The following RYR2 variants were observed in gnomAD, a reference collection of about 807,000 sequenced individuals.
RYR2 encodes the protein ryanodine receptor 2, also known as cardiac muscle ryanodine receptor-calcium release channel.
Under a neutral mutation model 601.1 loss-of-function variants are expected in RYR2, and 227 were observed. The observed-to-expected ratio is 0.38, with a 90% confidence interval of 0.34 to 0.42. RYR2 has a LOEUF of 0.42. Ranked by LOEUF, RYR2 falls within the 10% of genes least tolerant of loss-of-function variation. The pLI is 1.00. For synonymous variants in RYR2, 2,223 were observed against 2,175.1 expected (o/e 1.02, Z -0.61); for missense variants, 4,646 against 6,156.5 (o/e 0.75, Z 8.21).
intron 1 of RYR2, among the ~76,000 whole-genome samples, chr1:237,232,807 T>G (rs564017059): frequency 6.6e-6 from 1 of 152,322 alleles, no homozygotes; most frequent in East Asian, 1.9e-4. Context: ...CAGAACTGAT[T>G]GCTTGCCTGG....
chr1:237,563,540 G>C (rs1382991877), intron 27 of RYR2, among the ~76,000 whole-genome samples: 1 of 151,686 alleles, frequency 6.6e-6, no homozygotes, highest in Non-Finnish European at 1.5e-5. Context: ...TCAAATTCAG[G>C]TTAAGTATCA....
At chr1:237,439,616 C>T (rs1008046630) in intron 12 of RYR2, among the ~76,000 whole-genome samples, 3 of 151,756 alleles carry the variant, frequency 2.0e-5, no homozygotes, top group African/African-American at 7.3e-5. Flanking sequence ...TGCATTCCAG[C>T]CTGGGTGACA....
intron 2 of RYR2, among the ~76,000 whole-genome samples, chr1:237,293,673 C>G (rs1186990257): frequency 6.6e-6 from 1 of 152,100 alleles, no homozygotes; most frequent in Non-Finnish European, 1.5e-5. Flanking sequence ...AAGGATAGTA[C>G]AAAGCATACA....
chr1:237,571,730 C>T (rs538334577), intron 29 of RYR2, among the ~76,000 whole-genome samples: 1 of 152,188 alleles, frequency 6.6e-6, no homozygotes, highest in South Asian at 2.1e-4. Flanking sequence ...GTATGAACAT[C>T]ATTTCCCTAA....
At chr1:237,643,507 AG>A in intron 48 of RYR2, 60 bp downstream of exon 48, 1 of 1,607,752 alleles carries the variant, frequency 6.2e-7, no homozygotes, top group Non-Finnish European at 8.5e-7. Flanking sequence ...CATGTTCTAA[AG>A]AATGTTTTCC....
intron 14 of RYR2, among the ~76,000 whole-genome samples, chr1:237,448,466 G>A (rs1365047201): frequency 6.6e-6 from 1 of 152,112 alleles, no homozygotes; most frequent in Admixed American, 6.5e-5. Flanking sequence ...AAAAGAATGT[G>A]CATTCTCCTC....
chr1:237,689,423 T>C (rs571000557), intron 63 of RYR2, among the ~76,000 whole-genome samples: 1 of 152,376 alleles, frequency 6.6e-6, no homozygotes, highest in African/African-American at 2.4e-5. Context: ...AGGAACTATA[T>C]GTAGACTCCA....
intron 2 of RYR2, among the ~76,000 whole-genome samples, chr1:237,315,925 G>A (rs55989929): frequency 0.096 from 14,574 of 152,082 alleles, 1,397 homozygotes; most frequent in African/African-American, 0.24. Flanking sequence ...TTAAACAGTG[G>A]GATTTTTTTT....
intron 10 of RYR2, among the ~76,000 whole-genome samples, chr1:237,405,076 C>T (rs12064384): frequency 0.12 from 17,565 of 152,092 alleles, 2,156 homozygotes; most frequent in African/African-American, 0.32. Flanking sequence ...TTCCAACCTA[C>T]GGAATGGTAG....
intron 25 of RYR2, among the ~76,000 whole-genome samples, chr1:237,536,705 A>G (rs1269177479): frequency 2.1e-5 from 2 of 95,308 alleles, no homozygotes; most frequent in African/African-American, 8.4e-5. Context: ...ACAGAGCGAG[A>G]TTCCGTCTCA....
chr1:237,680,696 G>A (rs1490549723), intron 62 of RYR2, 119 bp downstream of exon 62: 7 of 632,260 alleles, frequency 1.1e-5, no homozygotes, highest in East Asian at 3.0e-5. Flanking sequence ...TCCCTGGTCC[G>A]TGTCTTCATG....
At chr1:237,554,878 A>G (rs1162946509) in intron 27 of RYR2, among the ~76,000 whole-genome samples, 2 of 151,830 alleles carry the variant, frequency 1.3e-5, no homozygotes, top group Non-Finnish European at 2.9e-5. Context: ...TTTTATCTTG[A>G]TCACTTCTCT....
At chr1:237,502,601 A>G (rs1664774951) in intron 21 of RYR2, among the ~76,000 whole-genome samples, 1 of 152,088 alleles carries the variant, frequency 6.6e-6, no homozygotes. Flanking sequence ...ACAGTTCACA[A>G]TAGGGTTCGC....
Position 237,795,332 on chromosome 1 carries a change from G to A in RYR2, c.13956+1G>A. The A allele has an allele frequency of 7.1e-7, 1 of 1,402,762 alleles. No individual in the cohort carries two copies. The highest frequency in any genetic ancestry group is 9.8e-7 in the Non-Finnish European group (1 of 1,018,530). 86.9% of individuals were successfully genotyped at this position (1,402,762 alleles called of 1,614,324 possible). On this transcript the variant is annotated splice_donor_variant, in intron 96 of 104. Transcript: ENST00000366574. LOFTEE classifies it high-confidence loss of function. ...CTGGGACAAATTTGTTAAAAGAAAGGTAATATTACTTGGAATCCTCTACAT... is the reference window on the plus strand; with the variant it reads ...CTGGGACAAATTTGTTAAAAGAAAGATAATATTACTTGGAATCCTCTACAT...
At position 237,550,614 on chromosome 1, in the gene RYR2, A is replaced by G. The variant is rs767452498; in HGVS notation, c.3137A>G (p.Asn1046Ser). 6.2e-7 allele frequency: 1 copy of G among 1,600,914 alleles called. No homozygotes were observed. The highest frequency in any genetic ancestry group is 2.2e-5 in the East Asian group (1 of 44,486). ...CTGGATGACCGAACCAAGAAATCCA[A>G]CAAGGACAGCCTCCGCGAGGCTGTG... Reference protein sequence around the residue: ...TLLDDRTKKSNKDSLREAVRT... With the variant: ...TLLDDRTKKSSKDSLREAVRT... The change falls in exon 27 of 105, where the codon AAC becomes AGC. Residue 1046 changes from asparagine (N) to serine (S), a missense_variant. By Grantham distance (46) the Asn-to-Ser change is conservative (BLOSUM62 1). Coordinates refer to ENST00000366574, the MANE Select transcript of RYR2 (RefSeq NM_001035.3).
At position 237,266,330 on chromosome 1, in the gene RYR2, T is replaced by TTGTGTG. The variant is rs3056169; in HGVS notation, c.49-4149_49-4144dup. 4.5e-3 allele frequency among the ~76,000 whole-genome samples: 672 copies of TTGTGTG among 149,470 alleles called. 7 individuals carry two copies. The highest frequency in any genetic ancestry group is 3.9e-3 in the Non-Finnish European group (262 of 67,164). ...CTTTATTCTTGGAATAGAAACTAGA[T>TTGTGTG]TGTGTGTGTGTGTGTGTGTGTGTAC... On this transcript the variant is annotated intron_variant, in intron 1 of 104. Transcript: ENST00000366574.
Position 237,454,456 on chromosome 1 carries a change from G to A in RYR2, c.1358G>A (p.Ser453Asn), listed in dbSNP as rs761911597. Residue 453 changes from serine to asparagine, a missense_variant, in exon 15 of 105, where the codon AGC (serine) becomes AAC (asparagine). By Grantham distance (46) the Ser-to-Asn change is conservative. Around this residue, in one of 17 missense-constraint regions of RYR2, gnomAD observed 1,807 missense variants for 2,088.1 expected, o/e 0.87. Coordinates refer to ENST00000366574, the MANE Select transcript of RYR2 (RefSeq NM_001035.3). ...STVDLPIESV[S>N]LSLQDLIGYF... Reference sequence around the variant, plus strand: ...GTCGATTTGCCTATAGAGTCCGTAAGCCTAAGTCTGCAGGATCTCATTGGC... The same window carrying A: ...GTCGATTTGCCTATAGAGTCCGTAAACCTAAGTCTGCAGGATCTCATTGGC... The A allele has an allele frequency of 1.9e-6, 3 of 1,613,488 alleles. No homozygotes were observed. Among genetic ancestry groups the A allele is most frequent in the Non-Finnish European group, 2.5e-6 (3 of 1,179,690 alleles).
chr1:237,435,403 G>C (rs1223992542), intron 12 of RYR2, among the ~76,000 whole-genome samples: 2 of 152,078 alleles, frequency 1.3e-5, no homozygotes, highest in Non-Finnish European at 2.9e-5. Context: ...GAAAACTAAA[G>C]ATTTTATAAA....
At chr1:237,109,396 G>A (rs1669166575) in intron 1 of RYR2, among the ~76,000 whole-genome samples, 1 of 151,946 alleles carries the variant, frequency 6.6e-6, no homozygotes, top group African/African-American at 2.4e-5. Flanking sequence ...GGCATGGAGA[G>A]AAAATTGCTT....
Sources: allele counts gnomAD v4.1 joint callset (sites outside exome capture counted in the v4.1 genomes callset), GRCh38; gene constraint gnomAD v4.1.1; regional missense constraint gnomAD v4.1.1; transcripts MANE v1.5; gene names NCBI Gene and HGNC (gene_info 2026-07-23, HGNC 2026-07-21).